The following CNTN5 variants were observed in gnomAD, a reference collection of about 807,000 sequenced individuals.
CNTN5 encodes contactin-5.
A neutral mutation model predicts 129.1 loss-of-function variants in CNTN5; 77 were observed. The observed-to-expected ratio is 0.60, with a 90% CI of 0.50 to 0.72. The LOEUF is 0.72. Among genes scored for constraint, CNTN5 ranks in the 30% least tolerant of loss-of-function variants. The pLI is 0.00. For missense variants in CNTN5, 1,478 were observed against 1,328.8 expected, an observed-to-expected ratio of 1.11 and a Z score of -1.75; for synonymous variants, 509 against 465.6, an observed-to-expected ratio of 1.09 and a Z score of -1.20.
chr11:99,389,463 C>T (rs552110068), intron 2 of CNTN5, among the ~76,000 whole-genome samples: 1 of 152,254 alleles, frequency 6.6e-6, no homozygotes, highest in South Asian at 2.1e-4. Context: ...TCAAAAGGAG[C>T]CTGTTCTAGA....
intron 3 of CNTN5, among the ~76,000 whole-genome samples, chr11:99,702,056 A>G (rs1348357623): frequency 6.6e-6 from 1 of 151,092 alleles, no homozygotes; most frequent in Non-Finnish European, 1.5e-5. Flanking sequence ...ATCAGTGAGT[A>G]TATTTAAGTT....
At chr11:99,577,643 T>C (rs1477291106) in intron 3 of CNTN5, among the ~76,000 whole-genome samples, 1 of 151,998 alleles carries the variant, frequency 6.6e-6, no homozygotes, top group African/African-American at 2.4e-5. Flanking sequence ...TCTAGAGTAA[T>C]AAAATAAAAA....
At chr11:100,313,642 T>C (rs1465556571) in intron 21 of CNTN5, among the ~76,000 whole-genome samples, 6 of 151,894 alleles carry the variant, frequency 4.0e-5, no homozygotes, top group African/African-American at 9.7e-5. Context: ...ATGGCCATTA[T>C]AGAAGTGGTA....
intron 3 of CNTN5, among the ~76,000 whole-genome samples, chr11:99,622,590 C>T (rs1302034092): frequency 6.6e-6 from 1 of 152,018 alleles, no homozygotes; most frequent in Non-Finnish European, 1.5e-5. Flanking sequence ...GGATCAATCA[C>T]TTTTTCAATG....
chr11:100,124,486 A>G (rs1205000992), intron 13 of CNTN5, among the ~76,000 whole-genome samples: 1 of 152,050 alleles, frequency 6.6e-6, no homozygotes, highest in Non-Finnish European at 1.5e-5. Flanking sequence ...TAAAAGAAAT[A>G]AAGATGAGAG....
chr11:99,323,571 A>G (rs533535399), intron 1 of CNTN5, among the ~76,000 whole-genome samples: 2 of 152,244 alleles, frequency 1.3e-5, no homozygotes, highest in South Asian at 4.1e-4. Context: ...TAATGTTCTC[A>G]GTATTTCCAT....
intron 18 of CNTN5, among the ~76,000 whole-genome samples, chr11:100,292,373 A>T (rs547306667): frequency 2.6e-5 from 4 of 152,152 alleles, no homozygotes; most frequent in South Asian, 4.1e-4. Flanking sequence ...TAACAACCCT[A>T]TTCAAACCTA....
At position 99,063,507 on chromosome 11, in the gene CNTN5, CATAAATAA is replaced by C. The variant is rs67049549; in HGVS notation, c.-210+42275_-210+42282del. 2.6e-3 allele frequency among the ~76,000 whole-genome samples: 387 copies of C among 148,790 alleles called. 3 individuals are homozygous for C. The highest frequency in any genetic ancestry group is 0.024 in the East Asian group (123 of 5,056). On this transcript the variant is annotated intron_variant, in intron 1 of 24. Transcript: ENST00000524871. ...TTTAAAAGAGAATTTACTGAAAACTCATAAATAAATAAATAAATAAATAAATAAATAAA... is the reference window on the plus strand; with the variant it reads ...TTTAAAAGAGAATTTACTGAAAACTCATAAATAAATAAATAAATAAATAAA...
chr11:99,324,995 G>T (rs1244004085), intron 1 of CNTN5, among the ~76,000 whole-genome samples: 2 of 152,044 alleles, frequency 1.3e-5, no homozygotes, highest in African/African-American at 4.8e-5. Context: ...GCTAGGAATA[G>T]CATAGAATTT....
chr11:99,773,269 C>A (rs1009403000), intron 3 of CNTN5, among the ~76,000 whole-genome samples: 4 of 152,092 alleles, frequency 2.6e-5, no homozygotes, highest in African/African-American at 9.7e-5. Context: ...GTATCCATGT[C>A]TAAACACCAG....
At chr11:99,179,314 C>A (rs1857932252) in intron 1 of CNTN5, among the ~76,000 whole-genome samples, 1 of 152,024 alleles carries the variant, frequency 6.6e-6, no homozygotes, top group Non-Finnish European at 1.5e-5. Context: ...AAGGGGTGCA[C>A]ACCTGCAATC....
chr11:99,721,128 G>C (rs1016509839), intron 3 of CNTN5, among the ~76,000 whole-genome samples: 3 of 152,058 alleles, frequency 2.0e-5, no homozygotes, highest in Non-Finnish European at 4.4e-5. Flanking sequence ...CACAGAACTA[G>C]AGAAAATTAT....
chr11:100,334,600 T>TA (rs35974068), intron 21 of CNTN5, among the ~76,000 whole-genome samples: 20 of 151,978 alleles, frequency 1.3e-4, no homozygotes, highest in South Asian at 4.1e-4. Context: ...TCAGCCATAT[T>TA]AAAAAAAAGA....
chr11:99,437,892 C>A (rs899895080), intron 2 of CNTN5, among the ~76,000 whole-genome samples: 1 of 152,058 alleles, frequency 6.6e-6, no homozygotes, highest in Non-Finnish European at 1.5e-5. Context: ...ATAAAACTTC[C>A]CAAATTTTCA....
At chr11:99,889,761 G>C (rs1341038259) in intron 6 of CNTN5, among the ~76,000 whole-genome samples, 4 of 151,992 alleles carry the variant, frequency 2.6e-5, no homozygotes, top group East Asian at 3.9e-4. Flanking sequence ...TGGGCAGGCT[G>C]GTCTCGATCT....
intron 3 of CNTN5, among the ~76,000 whole-genome samples, chr11:99,635,609 C>T (rs1015851070): frequency 6.6e-6 from 1 of 151,802 alleles, no homozygotes; most frequent in Non-Finnish European, 1.5e-5. Context: ...AATTTGAATC[C>T]CAGGGATGTG....
At chr11:99,639,304 C>T (rs557873883) in intron 3 of CNTN5, among the ~76,000 whole-genome samples, 1 of 152,286 alleles carries the variant, frequency 6.6e-6, no homozygotes, top group African/African-American at 2.4e-5. Context: ...CTTTTTCCTC[C>T]TGGGCCTCTG....
chr11:99,625,240 G>T (rs987526133), intron 3 of CNTN5, among the ~76,000 whole-genome samples: 5 of 152,144 alleles, frequency 3.3e-5, no homozygotes, highest in Non-Finnish European at 5.9e-5. Flanking sequence ...TCTACTGAAT[G>T]ATGAGAATTA....
chr11:99,957,038 A>T (rs1168977719), intron 8 of CNTN5, 29 bp downstream of exon 8: 1 of 1,584,732 alleles, frequency 6.3e-7, no homozygotes, highest in Non-Finnish European at 8.6e-7. Flanking sequence ...TAAAATGGTC[A>T]GCCAACTCTA....
Sources: allele counts gnomAD v4.1 joint callset (sites outside exome capture counted in the v4.1 genomes callset), GRCh38; gene constraint gnomAD v4.1.1; transcripts MANE v1.5; gene names NCBI Gene and HGNC (gene_info 2026-07-23, HGNC 2026-07-21).